The following CUBN variants were observed in gnomAD, a reference collection of about 807,000 sequenced individuals.
The protein encoded by CUBN is 460 kDa receptor.
Under a neutral mutation model 405.3 loss-of-function variants are expected in CUBN, and 282 were observed. That is an observed-to-expected ratio of 0.70 (90% CI 0.63 to 0.77). The LOEUF is 0.77. Among genes scored for constraint, CUBN ranks in the 30% least tolerant of loss-of-function variants. CUBN has a pLI of 0.00. For missense variants in CUBN, 4,514 were observed against 4,475.2 expected, an observed-to-expected ratio of 1.01 and a Z score of -0.25; for synonymous variants, 1,684 against 1,617.0, an observed-to-expected ratio of 1.04 and a Z score of -0.99.
chr10:17,101,172 A>G (rs1342318922), intron 13 of CUBN, among the ~76,000 whole-genome samples: 1 of 152,222 alleles, frequency 6.6e-6, no homozygotes, highest in Non-Finnish European at 1.5e-5. Flanking sequence ...AACAGTTTAA[A>G]TGAAACTCAA....
chr10:17,089,028 T>C (rs1836192838), intron 14 of CUBN, among the ~76,000 whole-genome samples: 1 of 152,192 alleles, frequency 6.6e-6, no homozygotes, highest in African/African-American at 2.4e-5. Flanking sequence ...AAAGAATCTG[T>C]AGTGGCTTAG....
intron 60 of CUBN, among the ~76,000 whole-genome samples, chr10:16,842,808 C>G (rs1336690580): frequency 6.6e-6 from 1 of 152,196 alleles, no homozygotes; most frequent in African/African-American, 2.4e-5. Context: ...CTGGCCTGTG[C>G]CTCCTTCCCA....
chr10:17,043,783 A>G, intron 26 of CUBN, 44 bp downstream of exon 26: 1 of 1,582,944 alleles, frequency 6.3e-7, no homozygotes, highest in Non-Finnish European at 8.6e-7. Context: ...ATTCACACTT[A>G]CTCTGCCAGT....
chr10:16,873,689 T>C (rs1320990075), intron 58 of CUBN, among the ~76,000 whole-genome samples: 3 of 136,600 alleles, frequency 2.2e-5, no homozygotes, highest in Admixed American at 8.2e-5. Context: ...GCCACTACAC[T>C]CCAGCCTGGG....
intron 31 of CUBN, among the ~76,000 whole-genome samples, chr10:16,967,309 G>A (rs1843420464): frequency 1.3e-5 from 2 of 152,166 alleles, no homozygotes; most frequent in African/African-American, 4.8e-5. Flanking sequence ...ACTTGCAGTT[G>A]TTGCGAGCAC....
chr10:17,083,417 A>G (rs2131862312), intron 17 of CUBN, among the ~76,000 whole-genome samples: 1 of 152,258 alleles, frequency 6.6e-6, no homozygotes, highest in African/African-American at 2.4e-5. Flanking sequence ...AGGCAGAAGA[A>G]TTGCTTGAAC....
At chr10:16,839,014 C>T (rs1348653057) in intron 62 of CUBN, among the ~76,000 whole-genome samples, 2 of 152,180 alleles carry the variant, frequency 1.3e-5, no homozygotes, top group African/African-American at 2.4e-5. Context: ...ACAGCCTCTT[C>T]ACTGATTCTC....
intron 60 of CUBN, among the ~76,000 whole-genome samples, chr10:16,842,611 C>G (rs1839387098): frequency 6.6e-6 from 1 of 152,168 alleles, no homozygotes. Flanking sequence ...TTCACCTGTT[C>G]CCACTGAAAC....
chr10:16,926,749 G>T (rs1405518894), intron 41 of CUBN, among the ~76,000 whole-genome samples: 2 of 152,000 alleles, frequency 1.3e-5, no homozygotes, highest in African/African-American at 2.4e-5. Flanking sequence ...AGAATTGGGG[G>T]GTGGTGGCAT....
intron 15 of CUBN, among the ~76,000 whole-genome samples, chr10:17,087,098 A>G (rs73602241): frequency 0.029 from 4,388 of 151,984 alleles, 216 homozygotes; most frequent in African/African-American, 0.099. Context: ...CCCCTTTTTG[A>G]CACCACATCC....
rs1841696113 is a variant in CUBN, at chr10:16,910,434, T to C, written c.7534-2755A>G. Among the ~76,000 whole-genome samples, 5 of 152,200 alleles carry C rather than the reference T, an allele frequency of 3.3e-5. No individual in the cohort carries two copies. The South Asian group carries it at 1.0e-3, about 31-fold the overall frequency. On this transcript the variant is annotated intron_variant, in intron 48 of 66. Coordinates refer to ENST00000377833, the MANE Select transcript of CUBN (RefSeq NM_001081.4). ...ATTTCAAAAAAAGGAATGTGGACAT[T>C]AGAACTAAAGACTCAGAAGAAAAAT...
chr10:17,109,227 C>T (rs965280723), intron 10 of CUBN, among the ~76,000 whole-genome samples: 1 of 152,128 alleles, frequency 6.6e-6, no homozygotes, highest in African/African-American at 2.4e-5. Flanking sequence ...TTCCTTCTTT[C>T]TGAACTCCTT....
intron 59 of CUBN, among the ~76,000 whole-genome samples, chr10:16,852,169 C>T (rs1564386246): frequency 7.7e-6 from 1 of 129,214 alleles, no homozygotes; most frequent in African/African-American, 3.1e-5. Context: ...CCCTCCCTCC[C>T]TCTATCTTTC....
At position 16,888,450 on chromosome 10, in the gene CUBN, C is replaced by T. The variant is rs760417282; in HGVS notation, c.8872G>A (p.Val2958Ile). Residue 2958 changes from valine to isoleucine, a missense_variant, in exon 56 of 67, where the codon GTC (valine) becomes ATC (isoleucine). Around this residue, in one of 5 missense-constraint regions of CUBN, gnomAD observed 1,186 missense variants for 1,186.9 expected, o/e 1.00. Transcript: ENST00000377833. ...YVIEANPLSV[V>I]LLTFVSFHLE... ...TGGAAGGACACAAAAGTCAAGAGGA[C>T]CACTGACAGAGGATTAGCCTCTATG... The T allele has an allele frequency of 6.2e-7, 1 of 1,613,476 alleles. No homozygotes were observed. Among genetic ancestry groups the T allele is most frequent in the South Asian group, 1.1e-5 (1 of 91,070 alleles).
At chr10:16,832,884 T>C (rs376446600) in intron 64 of CUBN, among the ~76,000 whole-genome samples, 3 of 152,316 alleles carry the variant, frequency 2.0e-5, no homozygotes, top group African/African-American at 7.2e-5. Flanking sequence ...TGAGGCTTCC[T>C]GGTACAGCTG....
intron 59 of CUBN, among the ~76,000 whole-genome samples, chr10:16,859,323 T>C (rs901350402): frequency 6.6e-6 from 1 of 152,046 alleles, no homozygotes; most frequent in African/African-American, 2.4e-5. Context: ...AAGATATAAA[T>C]AGATATTTCA....
intron 45 of CUBN, among the ~76,000 whole-genome samples, chr10:16,916,593 A>C (rs1184309921): frequency 6.6e-6 from 1 of 152,200 alleles, no homozygotes; most frequent in African/African-American, 2.4e-5. Flanking sequence ...AGCTTGACTC[A>C]GGATATAACA....
At chr10:17,035,007 G>A (rs1250016610) in intron 27 of CUBN, among the ~76,000 whole-genome samples, 2 of 151,662 alleles carry the variant, frequency 1.3e-5, no homozygotes, top group African/African-American at 2.4e-5. Flanking sequence ...CTTAGAGCCT[G>A]TGATGGCTGA....
chr10:16,900,911 G>T (rs952279579), intron 52 of CUBN, 61 bp from the exon 53 acceptor site: 3 of 1,116,170 alleles, frequency 2.7e-6, no homozygotes, highest in African/African-American at 1.6e-5. Flanking sequence ...CGAAGATAAG[G>T]CCCTTACAAA....
Sources: allele counts gnomAD v4.1 joint callset (sites outside exome capture counted in the v4.1 genomes callset), GRCh38; gene constraint gnomAD v4.1.1; regional missense constraint gnomAD v4.1.1; transcripts MANE v1.5; gene names NCBI Gene and HGNC (gene_info 2026-07-23, HGNC 2026-07-21).